The following CEP295 variants were observed in gnomAD, a reference collection of about 807,000 sequenced individuals.
CEP295 encodes the protein centrosomal protein 295.
CEP295 carries 190 observed loss-of-function variants against 291.6 expected under a neutral mutation model. The observed-to-expected ratio is 0.65, with a 90% CI of 0.58 to 0.73. The LOEUF is 0.73. CEP295 is among the 30% of genes least tolerant of loss of function. The probability of loss-of-function intolerance (pLI) is 0.00; values close to 1 mark genes in which losing one functional copy is unlikely to be tolerated. For synonymous variants in CEP295, 993 were observed against 1,038.8 expected (o/e 0.96, Z 0.85); for missense variants, 2,863 against 2,949.4 (o/e 0.97, Z 0.68).
At chr11:93,672,161 A>C (rs754529888) in intron 5 of CEP295, among the ~76,000 whole-genome samples, 1 of 152,204 alleles carries the variant, frequency 6.6e-6, no homozygotes, top group Non-Finnish European at 1.5e-5. Flanking sequence ...GTCAAGGTCT[A>C]TTTCTATAAA....
chr11:93,724,982 C>T (rs546935731), intron 22 of CEP295, among the ~76,000 whole-genome samples: 173 of 152,076 alleles, frequency 1.1e-3, no homozygotes, highest in African/African-American at 2.7e-3. Flanking sequence ...GGGCCGGGTG[C>T]GGTGGCTCAT....
chr11:93,696,179 C>T (rs182838472), intron 13 of CEP295, 141 bp from the exon 14 acceptor site: 84 of 585,590 alleles, frequency 1.4e-4, no homozygotes, highest in East Asian at 1.1e-3. Flanking sequence ...CAGATTAGTT[C>T]ATTTCTTACT....
At chr11:93,713,295 T>C (rs1953034584) in intron 18 of CEP295, among the ~76,000 whole-genome samples, 2 of 152,206 alleles carry the variant, frequency 1.3e-5, no homozygotes. Flanking sequence ...TTACCAGTGA[T>C]TTTTGTACCT....
At chr11:93,713,158 A>G (rs571002710) in intron 18 of CEP295, among the ~76,000 whole-genome samples, 1 of 151,998 alleles carries the variant, frequency 6.6e-6, no homozygotes, top group Non-Finnish European at 1.5e-5. Flanking sequence ...TGTACTGTCT[A>G]TATCTTGAAA....
intron 9 of CEP295, among the ~76,000 whole-genome samples, chr11:93,685,037 T>C (rs1951159548): frequency 6.6e-6 from 1 of 152,242 alleles, no homozygotes; most frequent in South Asian, 2.1e-4. Flanking sequence ...AAATTTATGA[T>C]CTTCTCTTGC....
At chr11:93,718,487 C>G (rs1953437216) in intron 18 of CEP295, among the ~76,000 whole-genome samples, 1 of 152,212 alleles carries the variant, frequency 6.6e-6, no homozygotes, top group Admixed American at 6.5e-5. Flanking sequence ...CTTTCAGGGA[C>G]CTATCCACTG....
At chr11:93,720,921 T>G (rs1347766700) in intron 18 of CEP295, among the ~76,000 whole-genome samples, 1 of 152,150 alleles carries the variant, frequency 6.6e-6, no homozygotes, top group Admixed American at 6.5e-5. Flanking sequence ...ATTGTCTCTT[T>G]TATATGCATG....
At chr11:93,672,095 A>G (rs1366984959) in intron 5 of CEP295, among the ~76,000 whole-genome samples, 1 of 152,224 alleles carries the variant, frequency 6.6e-6, no homozygotes, top group East Asian at 1.9e-4. Context: ...GAAGGTCAGA[A>G]GTTAAGTAAC....
chr11:93,727,842 A>G, intron 24 of CEP295: 1 of 480,892 alleles, frequency 2.1e-6, no homozygotes, highest in Non-Finnish European at 3.6e-6. Flanking sequence ...ACAAAATACA[A>G]GCAAAACTGC....
chr11:93,683,559 A>G lies in CEP295; in HGVS notation c.766A>G (p.Asn256Asp). The G allele has an allele frequency of 6.7e-7, 1 of 1,501,430 alleles. No homozygotes were observed. The highest frequency in any genetic ancestry group is 8.8e-7 in the Non-Finnish European group (1 of 1,130,804). 93.0% of individuals were successfully genotyped at this position (1,501,430 alleles called of 1,614,324 possible). A position where few individuals can be genotyped will look rare whatever the true frequency, so the allele number is the denominator to read the frequency against. The change falls in exon 8 of 30, where the codon AAT (asparagine) becomes GAT (aspartate). Residue 256 changes from asparagine to aspartate, a missense_variant and splice_region_variant. Physicochemically the swap from Asn to Asp is conservative, Grantham distance 23 (BLOSUM62 1). This residue lies in a region of CEP295 where 554 missense variants were observed against 576.0 expected (regional missense o/e 0.96). Coordinates refer to ENST00000325212, the MANE Select transcript of CEP295 (RefSeq NM_033395.2). ...TTGTTAATTCTCTTTATTCTTGAAG[A>G]ATCAGGAGAAACTAATGAAAGAACT... ...QAMKKIHLAQNQEKLMKELKQ... is the reference protein window; with the variant it reads ...QAMKKIHLAQDQEKLMKELKQ...
At chr11:93,725,930 C>A in intron 23 of CEP295, 99 bp downstream of exon 23, 1 of 873,260 alleles carries the variant, frequency 1.1e-6, no homozygotes, top group Non-Finnish European at 1.8e-6. Context: ...GTCTTCACCC[C>A]TGCTCTCACC....
At position 93,698,689 on chromosome 11, in the gene CEP295, A is replaced by G. The variant is rs368024440; in HGVS notation, c.3777A>G (p.Glu1259=). The G allele has an allele frequency of 6.4e-7, 1 of 1,551,056 alleles. No individual in the cohort carries two copies. Among genetic ancestry groups the G allele is most frequent in the Non-Finnish European group, 8.7e-7 (1 of 1,147,072 alleles). Residue 1259 remains glutamate, a synonymous_variant, in exon 15 of 30, where the codon GAA becomes GAG. Coordinates refer to ENST00000325212, the MANE Select transcript of CEP295 (RefSeq NM_033395.2). The part of the protein sequence containing the change: ...HMLPLQDNLE[E]HQAWLDTEKE... ...TACCTCTACAAGATAATTTGGAGGA[A>G]CACCAAGCATGGCTAGACACTGAGA...
chr11:93,663,463 C>G (rs554316552), intron 1 of CEP295, among the ~76,000 whole-genome samples: 15 of 152,306 alleles, frequency 9.8e-5, no homozygotes, highest in Non-Finnish European at 1.8e-4. Flanking sequence ...GCAACAAATG[C>G]AATGTGTTAT....
chr11:93,729,845 C>G, intron 27 of CEP295, 25 bp from the exon 28 acceptor site: 1 of 1,536,234 alleles, frequency 6.5e-7, no homozygotes, highest in Non-Finnish European at 8.8e-7. Flanking sequence ...GTGTTTACAA[C>G]TTGATTTCAC....
rs748289989 is a variant in CEP295, at chr11:93,698,205, G to A, written c.3293G>A (p.Ser1098Asn). The A allele has an allele frequency of 7.7e-6, 12 of 1,551,800 alleles. No homozygotes were observed. The East Asian group carries it at 2.9e-4, about 38-fold the overall frequency. The change falls in exon 15 of 30, where the codon AGC (serine) becomes AAC (asparagine). Residue 1098 changes from serine to asparagine, a missense_variant. Coordinates refer to ENST00000325212, the MANE Select transcript of CEP295 (RefSeq NM_033395.2). Reference sequence around the variant, plus strand: ...GGGGACAGTAAGTCTGGGCTGGTGAGCTCTTCATCCTCACCAGTGGTTGTT... The same window carrying A: ...GGGGACAGTAAGTCTGGGCTGGTGAACTCTTCATCCTCACCAGTGGTTGTT... ...DLGDSKSGLV[S>N]SSSSPVVVQH... is the part of the protein sequence containing the mutation.
intron 25 of CEP295, chr11:93,729,112 A>G (rs1430890233): frequency 4.0e-6 from 2 of 493,996 alleles, no homozygotes; most frequent in Non-Finnish European, 7.1e-6. Flanking sequence ...TTATTCCCAG[A>G]TATTGAAAAA....
chr11:93,675,347 G>A (rs1458758210), intron 5 of CEP295, among the ~76,000 whole-genome samples: 5 of 152,038 alleles, frequency 3.3e-5, no homozygotes, highest in African/African-American at 7.2e-5. Context: ...AACACATTTA[G>A]TTAGCGACAC....
At chr11:93,672,832 TATAATC>T (rs11278878) in intron 5 of CEP295, among the ~76,000 whole-genome samples, 137,573 of 151,920 alleles carry the variant, frequency 0.91, 63,354 homozygotes, top group Non-Finnish European at 0.99. Context: ...GAAATCCTGT[TATAATC>T]AATAAGGATT....
At chr11:93,679,308 A>G in intron 6 of CEP295, 104 bp from the exon 7 acceptor site, 1 of 941,888 alleles carries the variant, frequency 1.1e-6, no homozygotes, top group Non-Finnish European at 1.6e-6. Flanking sequence ...CTCTTCTTAT[A>G]TTTTATATAT....
Sources: allele counts gnomAD v4.1 joint callset (sites outside exome capture counted in the v4.1 genomes callset), GRCh38; gene constraint gnomAD v4.1.1; regional missense constraint gnomAD v4.1.1; transcripts MANE v1.5; gene names NCBI Gene and HGNC (gene_info 2026-07-23, HGNC 2026-07-21).